The following ABHD3 variants were observed in gnomAD, a reference collection of about 807,000 sequenced individuals.
ABHD3 encodes the protein abhydrolase domain containing 3, phospholipase, also known as phospholipase ABHD3.
In ABHD3, 46 loss-of-function variants were observed where a neutral mutation model predicts 48.8. The observed-to-expected ratio is 0.94, with a 90% CI of 0.74 to 1.20. The LOEUF (loss-of-function observed/expected upper bound fraction) is 1.20. ABHD3 is among the 50% of genes most tolerant of loss of function. The pLI is 0.00. For synonymous variants in ABHD3, 192 were observed against 183.7 expected, an observed-to-expected ratio of 1.04 and a Z score of -0.36; for missense variants, 490 against 497.8, an observed-to-expected ratio of 0.98 and a Z score of 0.15.
chr18:21,694,220 C>T (rs1485575730), intron 3 of ABHD3, among the ~76,000 whole-genome samples: 5 of 151,972 alleles, frequency 3.3e-5, no homozygotes, highest in South Asian at 4.1e-4. Context: ...GTGAGCCCCT[C>T]GAGTAGCTGG....
intron 8 of ABHD3, among the ~76,000 whole-genome samples, chr18:21,653,280 T>TCGCACCACTG (rs1226123615): frequency 6.6e-6 from 1 of 151,646 alleles, no homozygotes; most frequent in African/African-American, 2.4e-5. Flanking sequence ...CAGTGAACTA[T>TCGCACCACTG]CGCACCACTG....
intron 4 of ABHD3, among the ~76,000 whole-genome samples, chr18:21,665,226 T>C (rs1476578239): frequency 1.3e-5 from 2 of 152,086 alleles, no homozygotes; most frequent in African/African-American, 4.8e-5. Context: ...ATTACAGGTA[T>C]GAGCCACCAC....
chr18:21,653,215 A>G (rs2039268558), intron 8 of ABHD3, among the ~76,000 whole-genome samples: 2 of 150,514 alleles, frequency 1.3e-5, no homozygotes, highest in Admixed American at 1.3e-4. Context: ...TACAAAAAAT[A>G]GCCAGGCATG....
chr18:21,688,851 T>C (rs2040182931), intron 3 of ABHD3, among the ~76,000 whole-genome samples: 2 of 152,174 alleles, frequency 1.3e-5, no homozygotes, highest in African/African-American at 4.8e-5. Context: ...GAGTATGTAT[T>C]AAATGTTCTA....
At chr18:21,664,310 C>G in intron 4 of ABHD3, 80 bp from the exon 5 acceptor site, 1 of 1,322,712 alleles carries the variant, frequency 7.6e-7, no homozygotes. Context: ...TAAACAGGAG[C>G]AAGGAGTCAT....
Position 21,659,949 on chromosome 18 carries a change from C to T in ABHD3, c.669-606G>A, listed in dbSNP as rs113621833. Among the ~76,000 whole-genome samples, 3 of 147,828 alleles carry T rather than the reference C, an allele frequency of 2.0e-5. 1 individual carries two copies. Among genetic ancestry groups the T allele is most frequent in the African/African-American group, 7.5e-5 (3 of 40,072 alleles). The stretch of plus-strand genomic sequence containing the variant: ...CCTCCCAAAGTGCTGAGATTACAGC[C>T]GTTGCACCCGGCCTTTTTTTTTTTT... On this transcript the variant is annotated intron_variant, in intron 5 of 8. Transcript: ENST00000289119.
intron 3 of ABHD3, among the ~76,000 whole-genome samples, chr18:21,689,739 T>A (rs922829924): frequency 6.6e-6 from 1 of 150,712 alleles, no homozygotes; most frequent in Non-Finnish European, 1.5e-5. Flanking sequence ...CCCTCATCTA[T>A]ACATATGTGA....
chr18:21,686,363 G>T (rs1043279947), intron 3 of ABHD3, among the ~76,000 whole-genome samples: 1 of 152,168 alleles, frequency 6.6e-6, no homozygotes, highest in African/African-American at 2.4e-5. Context: ...ATTCAGAAAA[G>T]AACCACTTTA....
At chr18:21,683,624 G>A (rs368827047) in intron 4 of ABHD3, 1 of 424,768 alleles carries the variant, frequency 2.4e-6, no homozygotes, top group Non-Finnish European at 4.8e-6. Context: ...TTAAAATGTA[G>A]TAAGTACAAA....
intron 5 of ABHD3, chr18:21,663,789 C>A: frequency 6.5e-7 from 1 of 1,534,176 alleles, no homozygotes; most frequent in Non-Finnish European, 8.7e-7. Context: ...GAACGCAGCT[C>A]CAGGGATGGC....
intron 3 of ABHD3, among the ~76,000 whole-genome samples, chr18:21,688,140 A>C (rs1283104969): frequency 6.6e-6 from 1 of 152,194 alleles, no homozygotes; most frequent in Non-Finnish European, 1.5e-5. Context: ...GTCTCAAAAA[A>C]CAAAAACAAC....
chr18:21,704,716 C>CGAGCGGGCGAGAGCGGGCGA lies in ABHD3; in HGVS notation c.-71_-52dup, dbSNP rs150746310. On this transcript the variant is annotated 5_prime_UTR_variant, in exon 1 of 9. Coordinates refer to ENST00000289119, the MANE Select transcript of ABHD3 (RefSeq NM_138340.5). ...CTGCGGCGGGAGGAGAGCCGGCTGG[C>CGAGCGGGCGAGAGCGGGCGA]GAGCGGGCGAGAGCGGGCGAGAGCG... is the stretch of plus-strand genomic sequence containing the variant. 23,119 of 1,317,254 alleles carry CGAGCGGGCGAGAGCGGGCGA rather than the reference C, an allele frequency of 0.018. 786 individuals are homozygous for CGAGCGGGCGAGAGCGGGCGA. The highest frequency in any genetic ancestry group is 0.13 in the East Asian group (4,029 of 31,610). 81.6% of individuals were successfully genotyped at this position (1,317,254 alleles called of 1,614,324 possible). A position where few individuals can be genotyped will look rare whatever the true frequency, so the allele number is the denominator to read the frequency against.
Position 21,657,147 on chromosome 18 carries a change from C to G in ABHD3, c.848G>C (p.Arg283Pro). The G allele has an allele frequency of 6.2e-7, 1 of 1,605,526 alleles. No individual in the cohort carries two copies. The highest frequency in any genetic ancestry group is 8.5e-7 in the Non-Finnish European group (1 of 1,175,984). ...ATCAACTTGTTTTACAAACATATGT[C>G]GGTGCCTGGAACAAAAGAATTTCGG... ...TCLQSSVNKH[R>P]HMFVKQVDMD... Residue 283 changes from arginine to proline, a missense_variant, in exon 7 of 9, where the codon CGA becomes CCA. Transcript: ENST00000289119.
At chr18:21,658,610 C>CA (rs1201837843) in intron 6 of ABHD3, among the ~76,000 whole-genome samples, 1 of 152,134 alleles carries the variant, frequency 6.6e-6, no homozygotes, top group Non-Finnish European at 1.5e-5. Flanking sequence ...TTGTACAAGA[C>CA]AATCCACTGG....
chr18:21,677,465 C>A (rs2039910467), intron 4 of ABHD3, among the ~76,000 whole-genome samples: 1 of 152,030 alleles, frequency 6.6e-6, no homozygotes, highest in Non-Finnish European at 1.5e-5. Flanking sequence ...TGGGCACTCC[C>A]AAAGTGCTGG....
intron 5 of ABHD3, 81 bp from the exon 6 acceptor site, chr18:21,659,424 G>A (rs1243417795): frequency 3.6e-6 from 5 of 1,392,872 alleles, no homozygotes; most frequent in Admixed American, 4.6e-5. Context: ...CAGACTTTAT[G>A]TTAACTATGG....
At chr18:21,677,823 A>G (rs551006619) in intron 4 of ABHD3, among the ~76,000 whole-genome samples, 3 of 152,050 alleles carry the variant, frequency 2.0e-5, no homozygotes, top group African/African-American at 7.2e-5. Flanking sequence ...AGCTGGGACT[A>G]CAGGCACGCA....
intron 3 of ABHD3, among the ~76,000 whole-genome samples, chr18:21,694,335 G>A (rs900018023): frequency 2.6e-5 from 4 of 152,270 alleles, no homozygotes; most frequent in Admixed American, 2.6e-4. Context: ...GACGTCAAGC[G>A]ATCCGCCGGC....
chr18:21,689,659 T>C (rs968430934), intron 3 of ABHD3, among the ~76,000 whole-genome samples: 32 of 135,288 alleles, frequency 2.4e-4, no homozygotes, highest in Non-Finnish European at 6.2e-5. Context: ...CAGAAAAAAA[T>C]CTTAGAATGG....
Sources: allele counts gnomAD v4.1 joint callset (sites outside exome capture counted in the v4.1 genomes callset), GRCh38; gene constraint gnomAD v4.1.1; transcripts MANE v1.5; gene names NCBI Gene and HGNC (gene_info 2026-07-23, HGNC 2026-07-21).